Variants in PLXDC2 observed in about 807,000 individuals in gnomAD.
PLXDC2 encodes the protein plexin domain-containing protein 2.
PLXDC2 carries 40 observed loss-of-function variants against 68.9 expected under a neutral mutation model. That is an observed-to-expected ratio of 0.58 (90% CI 0.45 to 0.76). The LOEUF (loss-of-function observed/expected upper bound fraction) is 0.76, where lower values mean the gene tolerates loss of function less well. Among genes scored for constraint, PLXDC2 ranks in the 30% least tolerant of loss-of-function variants. PLXDC2 has a pLI of 0.00. For missense variants in PLXDC2, 644 were observed against 661.9 expected (o/e 0.97, Z 0.30); for synonymous variants, 243 against 234.2 (o/e 1.04, Z -0.34).
At chr10:20,198,587 C>T (rs1275960917) in intron 9 of PLXDC2, among the ~76,000 whole-genome samples, 1 of 152,078 alleles carries the variant, frequency 6.6e-6, no homozygotes, top group African/African-American at 2.4e-5. Flanking sequence ...CAACTCTGGT[C>T]ATTTAACCCT....
chr10:20,146,391 TCTTCCTTG>T (rs1241851791), intron 5 of PLXDC2, among the ~76,000 whole-genome samples: 6 of 151,578 alleles, frequency 4.0e-5, no homozygotes, highest in Middle Eastern at 3.5e-3. Context: ...CTCCTTTCTT[TCTTCCTTG>T]CTTCCTTGCT....
chr10:20,228,632 C>A (rs972149285), intron 12 of PLXDC2, among the ~76,000 whole-genome samples: 1 of 137,212 alleles, frequency 7.3e-6, no homozygotes, highest in Non-Finnish European at 1.6e-5. Context: ...GAAGGAAGGG[C>A]GGAAGGGAGG....
chr10:20,283,006 A>G lies in PLXDC2; in HGVS notation c.*3187A>G, dbSNP rs561686447. 27 of 152,360 alleles carry G rather than the reference A, an allele frequency of 1.8e-4. No homozygotes were observed. The highest frequency in any genetic ancestry group is 5.0e-4 in the African/African-American group (21 of 41,594). 9.4% of individuals were successfully genotyped at this position (152,360 alleles called of 1,614,324 possible). A position where few individuals can be genotyped will look rare whatever the true frequency, so the allele number is the denominator to read the frequency against. ...ACACCAGCCACATTTCAAAGGCTCA[A>G]TAGCCACGCCTGGCTTGTGGCTACC... On this transcript the variant is annotated 3_prime_UTR_variant, in exon 14 of 14. Transcript: ENST00000377252.
intron 3 of PLXDC2, among the ~76,000 whole-genome samples, chr10:20,065,583 G>A (rs1222190713): frequency 6.6e-6 from 1 of 152,142 alleles, no homozygotes; most frequent in Non-Finnish European, 1.5e-5. Context: ...AATATATAGT[G>A]AAATGATTAT....
chr10:19,971,803 C>A (rs1834358904), intron 1 of PLXDC2, among the ~76,000 whole-genome samples: 1 of 152,040 alleles, frequency 6.6e-6, no homozygotes, highest in Admixed American at 6.6e-5. Flanking sequence ...AACAAGTCGA[C>A]TCAGCCCATC....
At chr10:19,971,607 A>C (rs1564643542) in intron 1 of PLXDC2, among the ~76,000 whole-genome samples, 1 of 152,316 alleles carries the variant, frequency 6.6e-6, no homozygotes, top group Non-Finnish European at 1.5e-5. Flanking sequence ...GCTTCTGGGC[A>C]AAAGAAATAC....
chr10:19,937,052 G>T (rs1564633385), intron 1 of PLXDC2, among the ~76,000 whole-genome samples: 1 of 152,030 alleles, frequency 6.6e-6, no homozygotes, highest in Non-Finnish European at 1.5e-5. Context: ...TGTGTTCCTT[G>T]CTCTCCAATG....
intron 9 of PLXDC2, among the ~76,000 whole-genome samples, chr10:20,207,596 T>G (rs1835010183): frequency 6.6e-6 from 1 of 152,198 alleles, no homozygotes; most frequent in Admixed American, 6.6e-5. Flanking sequence ...CATCCCCATC[T>G]TCCAAAACAG....
chr10:19,817,049 G>A lies in PLXDC2; in HGVS notation c.-31G>A, dbSNP rs1398004613. On this transcript the variant is annotated 5_prime_UTR_variant, in exon 1 of 14. Transcript: ENST00000377252. ...GCCCCCGAGCACCGGCGAAGGACTG[G>A]CGGGTGGGGTAGGGAGGTGGCGGCG... The A allele has an allele frequency of 1.9e-5, 28 of 1,469,558 alleles. No individual in the cohort carries two copies. Among genetic ancestry groups the A allele is most frequent in the Non-Finnish European group, 2.4e-5 (26 of 1,098,718 alleles). 91.0% of individuals were successfully genotyped at this position (1,469,558 alleles called of 1,614,324 possible). A position where few individuals can be genotyped will look rare whatever the true frequency, so the allele number is the denominator to read the frequency against.
In PLXDC2 at chr10:19,938,484, G is replaced by A. The variant is rs915202533; in HGVS notation, c.113-63291G>A. Among the ~76,000 whole-genome samples the A allele has an allele frequency of 3.9e-5, 6 of 152,120 alleles. No homozygotes were observed. The South Asian group carries it at 1.0e-3, about 26-fold the overall frequency. On this transcript the variant is annotated intron_variant, in intron 1 of 13. Transcript: ENST00000377252. ...CAAAGTGGGAGCAGACATCTTACAC[G>A]GCAGGAGCAGGACTGAGAGAGAGTT...
chr10:20,195,329 C>G (rs1834823251), intron 9 of PLXDC2, among the ~76,000 whole-genome samples: 1 of 152,064 alleles, frequency 6.6e-6, no homozygotes, highest in African/African-American at 2.4e-5. Context: ...TTAGAAAATG[C>G]TAACCTTCTT....
intron 1 of PLXDC2, among the ~76,000 whole-genome samples, chr10:19,868,145 G>A (rs575865351): frequency 6.6e-6 from 1 of 152,160 alleles, no homozygotes; most frequent in Non-Finnish European, 1.5e-5. Context: ...GGGTTTGGGG[G>A]TACATGTGGA....
At chr10:20,140,231 G>A (rs868741711) in intron 4 of PLXDC2, among the ~76,000 whole-genome samples, 13 of 152,036 alleles carry the variant, frequency 8.6e-5, no homozygotes, top group East Asian at 1.9e-4. Context: ...CCTGGGAGGC[G>A]GATCTTGCAG....
chr10:19,849,554 TG>T (rs1326255522), intron 1 of PLXDC2, among the ~76,000 whole-genome samples: 3 of 152,124 alleles, frequency 2.0e-5, no homozygotes, highest in African/African-American at 7.2e-5. Context: ...AGTGATCTGA[TG>T]GCTTTATAGT....
At chr10:20,107,851 AC>A (rs1282823149) in intron 4 of PLXDC2, among the ~76,000 whole-genome samples, 1 of 152,212 alleles carries the variant, frequency 6.6e-6, no homozygotes, top group East Asian at 1.9e-4. Flanking sequence ...CTGAAACAAA[AC>A]AATTTTACCA....
intron 1 of PLXDC2, among the ~76,000 whole-genome samples, chr10:19,989,569 G>A (rs1165459386): frequency 1.3e-5 from 2 of 152,042 alleles, no homozygotes. Flanking sequence ...GACATGTGCA[G>A]GCTTTCAGAG....
At chr10:20,096,639 A>G (rs984496960) in intron 4 of PLXDC2, among the ~76,000 whole-genome samples, 1 of 152,152 alleles carries the variant, frequency 6.6e-6, no homozygotes, top group Admixed American at 6.6e-5. Flanking sequence ...CACATGCAGA[A>G]ACGAATCAAG....
At chr10:19,932,562 A>G (rs1212638979) in intron 1 of PLXDC2, among the ~76,000 whole-genome samples, 17 of 152,080 alleles carry the variant, frequency 1.1e-4, no homozygotes, top group Admixed American at 1.1e-3. Context: ...TGATTTTCTC[A>G]CTTTGGGATT....
chr10:19,841,040 C>T (rs550685240), intron 1 of PLXDC2, among the ~76,000 whole-genome samples: 1 of 152,260 alleles, frequency 6.6e-6, no homozygotes, highest in Admixed American at 6.5e-5. Flanking sequence ...ATAGGCATTG[C>T]TCTGTGTCCT....
Sources: gnomAD v4.1 joint callset for allele counts (sites outside exome capture counted in the v4.1 genomes callset) on GRCh38, gnomAD v4.1.1 for gene constraint, MANE v1.5 for transcripts, NCBI Gene and HGNC (gene_info 2026-07-23, HGNC 2026-07-21) for gene names.